The following ADAM10 variants were observed in gnomAD, a reference collection of about 807,000 sequenced individuals.
The protein encoded by ADAM10 is ADAM metallopeptidase domain 10.
ADAM10 carries 17 observed loss-of-function variants against 90.1 expected under a neutral mutation model. The observed-to-expected ratio is 0.19, with a 90% CI of 0.13 to 0.28. The LOEUF (loss-of-function observed/expected upper bound fraction) is 0.28, where lower values mean the gene tolerates loss of function less well. ADAM10 is among the 10% of genes least tolerant of loss of function. The pLI is 1.00. For missense variants in ADAM10, 610 were observed against 914.3 expected, an observed-to-expected ratio of 0.67 and a Z score of 4.29; for synonymous variants, 310 against 298.6, an observed-to-expected ratio of 1.04 and a Z score of -0.40.
chr15:58,680,300 T>C (rs1330807047), intron 3 of ADAM10, among the ~76,000 whole-genome samples: 1 of 152,082 alleles, frequency 6.6e-6, no homozygotes, highest in Non-Finnish European at 1.5e-5. Flanking sequence ...TTTTTGTATT[T>C]TTGGTAGAGA....
At chr15:58,699,988 C>G (rs1898085686) in intron 2 of ADAM10, among the ~76,000 whole-genome samples, 1 of 151,906 alleles carries the variant, frequency 6.6e-6, no homozygotes, top group Non-Finnish European at 1.5e-5. Flanking sequence ...CACACACAGA[C>G]TGAAAGTAAA....
intron 5 of ADAM10, among the ~76,000 whole-genome samples, chr15:58,655,687 TTATATATAG>T (rs1384687147): frequency 3.7e-5 from 3 of 80,306 alleles, no homozygotes; most frequent in Non-Finnish European, 6.4e-5. Context: ...CATATATATA[TTATATATAG>T]TATATATATA....
chr15:58,725,475 G>A (rs1190556400), intron 1 of ADAM10, among the ~76,000 whole-genome samples: 1 of 151,426 alleles, frequency 6.6e-6, no homozygotes, highest in South Asian at 2.1e-4. Context: ...GAGCCCAGGA[G>A]TCCAAGGTTG....
chr15:58,743,812 G>A (rs1338574579), intron 1 of ADAM10, among the ~76,000 whole-genome samples: 4 of 152,092 alleles, frequency 2.6e-5, no homozygotes, highest in Non-Finnish European at 5.9e-5. Flanking sequence ...CGCCATGTTG[G>A]GCAGGCTTGT....
At position 58,593,956 on chromosome 15, in the gene ADAM10, C is replaced by T. The variant is rs1425942591; in HGVS notation, c.*3591G>A. On this transcript the variant is annotated 3_prime_UTR_variant, in exon 16 of 16. Transcript: ENST00000260408. ...GTGAAAAAACTAAACTGGTAATAAA[C>T]GGAAAAGTATATCAAATGGAAGTTG... 11 of 152,038 alleles carry T rather than the reference C, an allele frequency of 7.2e-5. No individual in the cohort carries two copies. Among genetic ancestry groups the T allele is most frequent in the Non-Finnish European group, 7.4e-5 (5 of 68,014 alleles). 9.4% of individuals were successfully genotyped at this position (152,038 alleles called of 1,614,324 possible). A position where few individuals can be genotyped will look rare whatever the true frequency, so the allele number is the denominator to read the frequency against.
intron 11 of ADAM10, among the ~76,000 whole-genome samples, chr15:58,613,911 T>A (rs913976971): frequency 6.6e-6 from 1 of 151,240 alleles, no homozygotes; most frequent in African/African-American, 2.4e-5. Context: ...AGCCCAGGAG[T>A]TCAAGATCAA....
chr15:58,597,554 C>T lies in ADAM10; in HGVS notation c.2240G>A (p.Arg747Lys). 1 of 1,614,068 alleles carries T rather than the reference C, an allele frequency of 6.2e-7. No individual in the cohort carries two copies. The highest frequency in any genetic ancestry group is 8.5e-7 in the Non-Finnish European group (1 of 1,180,014). Residue 747 changes from arginine (R) to lysine (K), a missense_variant, in exon 16 of 16, where the codon AGA becomes AAA. Physicochemically the swap from Arg to Lys is conservative, Grantham distance 26. Transcript: ENST00000260408. ...CCAAGGCAAAAGCTGCAGTTAGCGT[C>T]TCATGTGTCCCATTTGATAACTCTC... ...PRESYQMGHM[R>K]R
At chr15:58,615,763 T>TACA (rs1477781619) in intron 11 of ADAM10, among the ~76,000 whole-genome samples, 1 of 152,098 alleles carries the variant, frequency 6.6e-6, no homozygotes, top group African/African-American at 2.4e-5. Context: ...ATGCCAGCAC[T>TACA]TTGGGAGGCC....
At chr15:58,706,464 A>T (rs928751222) in intron 2 of ADAM10, among the ~76,000 whole-genome samples, 2 of 152,200 alleles carry the variant, frequency 1.3e-5, no homozygotes, top group Admixed American at 1.3e-4. Context: ...GAGAGTCTCC[A>T]TTCAAATTAT....
chr15:58,723,246 G>C (rs1292176144), intron 1 of ADAM10, among the ~76,000 whole-genome samples: 1 of 152,052 alleles, frequency 6.6e-6, no homozygotes, highest in African/African-American at 2.4e-5. Context: ...GAGAATGGGA[G>C]TCCTGGAATT....
At chr15:58,633,484 G>T (rs563213915) in intron 8 of ADAM10, 125 bp from the exon 9 acceptor site, 1 of 808,728 alleles carries the variant, frequency 1.2e-6, no homozygotes, top group Non-Finnish European at 1.9e-6. Flanking sequence ...GTACTCAAAC[G>T]TATCACATAT....
chr15:58,677,227 T>C (rs1214178891), intron 4 of ADAM10, among the ~76,000 whole-genome samples: 2 of 152,176 alleles, frequency 1.3e-5, no homozygotes, highest in African/African-American at 2.4e-5. Context: ...ACCTTAAAGA[T>C]TGCTGCTTTT....
intron 1 of ADAM10, among the ~76,000 whole-genome samples, chr15:58,723,455 T>C (rs1219102757): frequency 5.3e-5 from 8 of 151,844 alleles, no homozygotes; most frequent in Non-Finnish European, 8.8e-5. Flanking sequence ...GAAGCTGAGG[T>C]GGGTAGATCA....
At chr15:58,730,514 AG>A (rs1265426978) in intron 1 of ADAM10, among the ~76,000 whole-genome samples, 1 of 151,448 alleles carries the variant, frequency 6.6e-6, no homozygotes, top group East Asian at 1.9e-4. Flanking sequence ...GTTACAGAAC[AG>A]GTATCAAATC....
chr15:58,610,903 C>G, intron 13 of ADAM10, 96 bp downstream of exon 13: 2 of 926,554 alleles, frequency 2.2e-6, no homozygotes, highest in Non-Finnish European at 3.6e-6. Context: ...TGGAAATTAT[C>G]TGGCCAAACT....
At chr15:58,725,969 C>T (rs1899014713) in intron 1 of ADAM10, among the ~76,000 whole-genome samples, 1 of 152,114 alleles carries the variant, frequency 6.6e-6, no homozygotes, top group Admixed American at 6.5e-5. Context: ...GAAACCTACA[C>T]TGATGCAAAT....
chr15:58,643,959 G>A lies in ADAM10; in HGVS notation c.755C>T (p.Ala252Val), dbSNP rs770353099. The change falls in exon 7 of 16, where the codon GCG becomes GTG. Residue 252 changes from alanine (A) to valine (V), a missense_variant. This residue lies in a region of ADAM10 where 310 missense variants were observed against 362.4 expected (regional missense o/e 0.86). Transcript: ENST00000260408. ...TGTGGTCTGGTAAATTGTATCAATC[G>A]CTTTAACATGACTGGATATCTATGA... ...VIAQISSHVK[A>V]IDTIYQTTDF... is the part of the protein sequence containing the mutation. 5.0e-6 allele frequency: 8 copies of A among 1,609,932 alleles called. No individual in the cohort carries two copies. The highest frequency in any genetic ancestry group is 2.2e-5 in the South Asian group (2 of 90,998).
At chr15:58,648,215 T>C (rs1161290570) in intron 5 of ADAM10, among the ~76,000 whole-genome samples, 1 of 152,200 alleles carries the variant, frequency 6.6e-6, no homozygotes, top group Non-Finnish European at 1.5e-5. Context: ...AAACAATTTG[T>C]ATTATAGATG....
intron 1 of ADAM10, among the ~76,000 whole-genome samples, chr15:58,728,778 G>A (rs1899125436): frequency 6.6e-6 from 1 of 152,106 alleles, no homozygotes; most frequent in African/African-American, 2.4e-5. Context: ...AATATTCCAA[G>A]TTATCTTCTC....
Sources: allele counts gnomAD v4.1 joint callset (sites outside exome capture counted in the v4.1 genomes callset), GRCh38; gene constraint gnomAD v4.1.1; regional missense constraint gnomAD v4.1.1; transcripts MANE v1.5; gene names NCBI Gene and HGNC (gene_info 2026-07-23, HGNC 2026-07-21).